The following TBC1D8 variants were observed in gnomAD, a reference collection of about 807,000 sequenced individuals.
TBC1D8 encodes TBC1 domain family member 8, also known as BUB2-like protein 1.
A neutral mutation model predicts 118.8 loss-of-function variants in TBC1D8; 65 were observed. The observed-to-expected ratio is 0.55, with a 90% CI of 0.45 to 0.67. The LOEUF is 0.67. Among genes scored for constraint, TBC1D8 ranks in the 30% least tolerant of loss-of-function variants. The pLI is 0.00. For missense variants in TBC1D8, 1,376 were observed against 1,471.2 expected (o/e 0.94, Z 1.06); for synonymous variants, 566 against 595.8 (o/e 0.95, Z 0.73).
chr2:101,013,817 A>G (rs1484712330), intron 17 of TBC1D8, among the ~76,000 whole-genome samples: 1 of 152,262 alleles, frequency 6.6e-6, no homozygotes, highest in Non-Finnish European at 1.5e-5. Flanking sequence ...CTTCAGATGC[A>G]GTTGAGACAT....
chr2:101,059,462 T>G lies in TBC1D8; in HGVS notation c.361A>C (p.Asn121His). 1 of 1,613,934 alleles carries G rather than the reference T, an allele frequency of 6.2e-7. No homozygotes were observed. The highest frequency in any genetic ancestry group is 8.5e-7 in the Non-Finnish European group (1 of 1,179,858). Residue 121 changes from asparagine to histidine, a missense_variant, in exon 3 of 20, where the codon AAT becomes CAT. Asn to His is a moderately conservative substitution (Grantham distance 68). Transcript: ENST00000409318. ...NLLHTLSVFD[N>H]KDDIASFVKG... Reference sequence around the variant, plus strand: ...ACAAAACTGGCAATGTCATCTTTATTATCAAAGACAGACAAGGTGTGGAGG... The same window carrying G: ...ACAAAACTGGCAATGTCATCTTTATGATCAAAGACAGACAAGGTGTGGAGG...
At chr2:101,074,298 T>C (rs1674661803) in intron 2 of TBC1D8, among the ~76,000 whole-genome samples, 1 of 152,170 alleles carries the variant, frequency 6.6e-6, no homozygotes, top group Non-Finnish European at 1.5e-5. Flanking sequence ...CTTACATGGT[T>C]CATAGCACCC....
intron 1 of TBC1D8, among the ~76,000 whole-genome samples, chr2:101,096,567 TAATG>T (rs1303595955): frequency 6.6e-6 from 1 of 151,992 alleles, no homozygotes; most frequent in Non-Finnish European, 1.5e-5. Flanking sequence ...ATAAGGGCTC[TAATG>T]AAGAAGGTAA....
intron 1 of TBC1D8, 77 bp from the exon 2 acceptor site, chr2:101,090,441 C>A: frequency 6.6e-7 from 1 of 1,510,982 alleles, no homozygotes; most frequent in Non-Finnish European, 9.1e-7. Context: ...GGCATGTGGT[C>A]GCTGTCTGGA....
chr2:101,135,088 C>A (rs1048434323), intron 1 of TBC1D8, among the ~76,000 whole-genome samples: 2 of 152,138 alleles, frequency 1.3e-5, no homozygotes, highest in Admixed American at 6.5e-5. Flanking sequence ...AGGAGAATGG[C>A]ATGAACCCGG....
At chr2:101,021,249 C>G (rs1313750740) in intron 17 of TBC1D8, among the ~76,000 whole-genome samples, 1 of 152,202 alleles carries the variant, frequency 6.6e-6, no homozygotes, top group African/African-American at 2.4e-5. Flanking sequence ...AAATGGCTTC[C>G]TTTTCCTGGT....
chr2:101,108,387 G>A (rs1156652595), intron 1 of TBC1D8, among the ~76,000 whole-genome samples: 5 of 152,144 alleles, frequency 3.3e-5, no homozygotes, highest in African/African-American at 1.2e-4. Flanking sequence ...ATCTGAATAA[G>A]ACCTGGACTC....
intron 1 of TBC1D8, among the ~76,000 whole-genome samples, chr2:101,092,789 G>A (rs2105459663): frequency 6.6e-6 from 1 of 152,300 alleles, no homozygotes; most frequent in East Asian, 1.9e-4. Flanking sequence ...TTTCTTTAGT[G>A]ACTAATGGTA....
intron 1 of TBC1D8, among the ~76,000 whole-genome samples, chr2:101,133,441 G>A (rs879470658): frequency 6.6e-6 from 1 of 151,844 alleles, no homozygotes; most frequent in African/African-American, 2.4e-5. Context: ...GTCCATTTCG[G>A]ATGCTATAAC....
At chr2:101,144,424 G>A (rs1679240257) in intron 1 of TBC1D8, among the ~76,000 whole-genome samples, 1 of 152,102 alleles carries the variant, frequency 6.6e-6, no homozygotes, top group Admixed American at 6.5e-5. Flanking sequence ...GCCATGAGGG[G>A]CCTGGGAGAG....
chr2:101,096,434 A>AAC (rs1574026540), intron 1 of TBC1D8, among the ~76,000 whole-genome samples: 1 of 150,278 alleles, frequency 6.7e-6, no homozygotes, highest in African/African-American at 2.4e-5. Context: ...AAAAAAAAAA[A>AAC]AAAAAAAAAA....
At chr2:101,116,612 T>C (rs1334686688) in intron 1 of TBC1D8, among the ~76,000 whole-genome samples, 1 of 151,924 alleles carries the variant, frequency 6.6e-6, no homozygotes, top group African/African-American at 2.4e-5. Context: ...ATTGAAGGTG[T>C]GATGTCAGTT....
chr2:101,050,423 C>T lies in TBC1D8; in HGVS notation c.850G>A (p.Glu284Lys). 6.2e-7 allele frequency: 1 copy of T among 1,613,458 alleles called. No individual in the cohort carries two copies. The highest frequency in any genetic ancestry group is 1.8e-4 in the Middle Eastern group (1 of 5,662). The stretch of plus-strand genomic sequence containing the variant: ...CACCTCTTGGTGATCTGGCTCGGCT[C>T]CTGCAGATCGGGGTCGAGGTCAAAG... Reference protein sequence around the residue: ...EVFDLDPDLQEPSQITKRDLE... With the variant: ...EVFDLDPDLQKPSQITKRDLE... Residue 284 changes from glutamate to lysine, a missense_variant, in exon 5 of 20, where the codon GAG becomes AAG. Transcript: ENST00000409318.
At chr2:101,033,869 G>A in intron 9 of TBC1D8, 111 bp from the exon 10 acceptor site, 1 of 1,265,816 alleles carries the variant, frequency 7.9e-7, no homozygotes, top group Non-Finnish European at 1.1e-6. Context: ...TACTTACTGA[G>A]GGACAAAATA....
chr2:101,151,050 G>A (rs1679540320), intron 1 of TBC1D8, 77 bp downstream of exon 1: 26 of 953,394 alleles, frequency 2.7e-5, no homozygotes, highest in Non-Finnish European at 3.3e-5. Context: ...GACGCAGCCC[G>A]GGACTGGGGG....
chr2:101,114,863 G>C (rs1677748883), intron 1 of TBC1D8, among the ~76,000 whole-genome samples: 1 of 151,538 alleles, frequency 6.6e-6, no homozygotes, highest in African/African-American at 2.4e-5. Context: ...CAAGCTAGAG[G>C]TAAGGAAGGC....
At chr2:101,059,649 A>T in intron 2 of TBC1D8, 110 bp from the exon 3 acceptor site, 1 of 994,980 alleles carries the variant, frequency 1.0e-6, no homozygotes, top group Non-Finnish European at 1.5e-6. Context: ...ATGTTAAAAC[A>T]TCTGGCCTTG....
chr2:101,060,457 G>A (rs1239224129), intron 2 of TBC1D8, among the ~76,000 whole-genome samples: 1 of 152,094 alleles, frequency 6.6e-6, no homozygotes, highest in Non-Finnish European at 1.5e-5. Flanking sequence ...ATAAAAAGAG[G>A]TCTTACGGTA....
chr2:101,133,289 G>C (rs546127212), intron 1 of TBC1D8, among the ~76,000 whole-genome samples: 1 of 151,960 alleles, frequency 6.6e-6, no homozygotes, highest in East Asian at 1.9e-4. Flanking sequence ...TAGCATATTA[G>C]AATGAGCACT....
Sources: allele counts gnomAD v4.1 joint callset (sites outside exome capture counted in the v4.1 genomes callset), GRCh38; gene constraint gnomAD v4.1.1; transcripts MANE v1.5; gene names NCBI Gene and HGNC (gene_info 2026-07-23, HGNC 2026-07-21).